Variants in FRMPD2 observed in about 807,000 individuals in gnomAD.
FRMPD2 encodes FERM and PDZ domain-containing protein 2.
FRMPD2 carries 96 observed loss-of-function variants against 140.1 expected under a neutral mutation model. That is an observed-to-expected ratio of 0.69 (90% CI 0.58 to 0.81). The LOEUF (loss-of-function observed/expected upper bound fraction) is 0.81, where lower values mean the gene tolerates loss of function less well. Among genes scored for constraint, FRMPD2 ranks in the 40% least tolerant of loss-of-function variants. The probability of loss-of-function intolerance (pLI) is 0.00; values close to 1 mark genes in which losing one functional copy is unlikely to be tolerated. For synonymous variants in FRMPD2, 449 were observed against 547.6 expected (o/e 0.82, Z 2.52); for missense variants, 1,240 against 1,447.4 (o/e 0.86, Z 2.32).
rs570548638 is a variant in FRMPD2 at position 48,196,318 on chromosome 10, T to A, written c.1955-3424A>T. Among the ~76,000 whole-genome samples, 3 of 152,072 alleles carry A rather than the reference T, an allele frequency of 2.0e-5. No individual in the cohort carries two copies. In the South Asian group the frequency reaches 6.2e-4, roughly 32 times the overall value. Reference sequence around the variant, plus strand: ...CAGACAACAGAGAGCCATTAACAAGTTTTCAGCATGGAAGAAAATGACAGG... The same window carrying A: ...CAGACAACAGAGAGCCATTAACAAGATTTCAGCATGGAAGAAAATGACAGG... On this transcript the variant is annotated intron_variant, in intron 15 of 28. Transcript: ENST00000374201.
intron 1 of FRMPD2, among the ~76,000 whole-genome samples, chr10:48,260,895 GT>G (rs990524687): frequency 0.31 from 206 of 660 alleles, no homozygotes; most frequent in South Asian, 0.5. Context: ...AATGGAAAAG[GT>G]GGGGCAAGAT....
chr10:48,255,838 AG>A (rs1840478777), intron 1 of FRMPD2, among the ~76,000 whole-genome samples: 1 of 152,226 alleles, frequency 6.6e-6, no homozygotes, highest in African/African-American at 2.4e-5. Flanking sequence ...AGAGTTTGGC[AG>A]ATTCCAAGAA....
Position 48,157,248 on chromosome 10 carries a change from C to T in FRMPD2, c.*74G>A. 1.4e-6 allele frequency: 1 copy of T among 693,332 alleles called. No homozygotes were observed. Among genetic ancestry groups the T allele is most frequent in the Non-Finnish European group, 2.7e-6 (1 of 373,446 alleles). 42.9% of individuals were successfully genotyped at this position (693,332 alleles called of 1,614,324 possible). A position where few individuals can be genotyped will look rare whatever the true frequency, so the allele number is the denominator to read the frequency against. On this transcript the variant is annotated 3_prime_UTR_variant, in exon 29 of 29. Transcript: ENST00000374201. ...GCTGCCCCAAGTTCGCCACACACGCCTCTTGATTAGAAAGAATAGTCCATG... is the reference window on the plus strand; with the variant it reads ...GCTGCCCCAAGTTCGCCACACACGCTTCTTGATTAGAAAGAATAGTCCATG...
intron 21 of FRMPD2, among the ~76,000 whole-genome samples, chr10:48,180,476 C>A (rs1407124283): frequency 6.6e-6 from 1 of 152,174 alleles, no homozygotes; most frequent in Non-Finnish European, 1.5e-5. Flanking sequence ...CCACGCCTTG[C>A]CATTGGCAGC....
In FRMPD2 at chr10:48,201,246, G is replaced by C. The variant is rs1482814528; in HGVS notation, c.1936C>G (p.Pro646Ala). ...GFNAQMGSGQ[P>A]SHVLFDHDKF... is the part of the protein sequence containing the mutation. ...TACTCACCAAATAAAACATGGGAAG[G>C]CTGCCCAGAGCCCATCTGTGCATTA... The change falls in exon 15 of 29, where the codon CCT (proline) becomes GCT (alanine). Residue 646 changes from proline (P) to alanine (A), a missense_variant. This residue lies in a region of FRMPD2 where 1,161 missense variants were observed against 1,055.9 expected (regional missense o/e 1.10). Coordinates refer to ENST00000374201, the MANE Select transcript of FRMPD2 (RefSeq NM_001018071.4). 1 of 1,606,760 alleles carries C rather than the reference G, an allele frequency of 6.2e-7. No homozygotes were observed. The highest frequency in any genetic ancestry group is 2.2e-5 in the East Asian group (1 of 44,658).
At chr10:48,272,940 G>A (rs1726703743) in intron 1 of FRMPD2, among the ~76,000 whole-genome samples, 1 of 152,088 alleles carries the variant, frequency 6.6e-6, no homozygotes, top group African/African-American at 2.4e-5. Context: ...TACATTCAGT[G>A]GTCAATTGCA....
intron 7 of FRMPD2, among the ~76,000 whole-genome samples, chr10:48,239,365 T>G (rs1354080643): frequency 6.6e-6 from 1 of 152,230 alleles, no homozygotes; most frequent in Non-Finnish European, 1.5e-5. Context: ...CCACTCGGCC[T>G]GAGTATGGTT....
In FRMPD2 at chr10:48,253,449, G is replaced by T. The variant is rs111541590; in HGVS notation, c.26-1758C>A. ...TCATCAAAAACCATGGAGACCAAAA[G>T]GCAGTTGGATGACGTATGGTCTTAA... On this transcript the variant is annotated intron_variant, in intron 1 of 28. Coordinates refer to ENST00000374201, the MANE Select transcript of FRMPD2 (RefSeq NM_001018071.4). 2.2e-3 allele frequency among the ~76,000 whole-genome samples: 332 copies of T among 152,172 alleles called. 3 individuals carry two copies. Among genetic ancestry groups the T allele is most frequent in the African/African-American group, 7.8e-3 (322 of 41,504 alleles).
At chr10:48,170,725 G>A (rs566265846) in intron 26 of FRMPD2, among the ~76,000 whole-genome samples, 39 of 151,614 alleles carry the variant, frequency 2.6e-4, no homozygotes, top group Admixed American at 1.1e-3. Context: ...GTGAAGAGAC[G>A]TCAGCCAGCA....
At chr10:48,229,662 T>C (rs561760899) in intron 10 of FRMPD2, among the ~76,000 whole-genome samples, 1 of 152,260 alleles carries the variant, frequency 6.6e-6, no homozygotes, top group East Asian at 1.9e-4. Context: ...TTCCGATATG[T>C]CTTAGTATAA....
chr10:48,256,564 C>T (rs1361993598), intron 1 of FRMPD2, among the ~76,000 whole-genome samples: 1 of 152,138 alleles, frequency 6.6e-6, no homozygotes, highest in East Asian at 1.9e-4. Context: ...GATTGACAAC[C>T]CTCTGGAATG....
intron 17 of FRMPD2, among the ~76,000 whole-genome samples, chr10:48,186,868 G>A (rs899331693): frequency 2.0e-5 from 3 of 152,082 alleles, no homozygotes; most frequent in African/African-American, 4.8e-5. Context: ...ATACTGGGAG[G>A]TGATGTTCTG....
chr10:48,232,239 C>G lies in FRMPD2; in HGVS notation c.1044G>C (p.Leu348=). The part of the protein sequence containing the change: ...YLALRDLCVV[L]LNGQHLEVKC... Reference sequence around the variant, plus strand: ...TTACCTCCAGGTGCTGCCCGTTCAGCAGGACCACACAGAGGTCCCTGAGAG... The same window carrying G: ...TTACCTCCAGGTGCTGCCCGTTCAGGAGGACCACACAGAGGTCCCTGAGAG... The change falls in exon 10 of 29, where the codon CTG becomes CTC. Residue 348 remains leucine, a synonymous_variant. Transcript: ENST00000374201. 1 of 1,614,156 alleles carries G rather than the reference C, an allele frequency of 6.2e-7. No homozygotes were observed. Among genetic ancestry groups the G allele is most frequent in the Non-Finnish European group, 8.5e-7 (1 of 1,179,998 alleles).
rs753175673 is a variant in FRMPD2 at position 48,206,892 on chromosome 10, T to C, written c.1653A>G (p.Gln551=). The C allele has an allele frequency of 2.5e-6, 4 of 1,614,068 alleles. No individual in the cohort carries two copies. In the South Asian group the frequency reaches 3.3e-5, roughly 13 times the overall value. ...QLPEYGVLVH[Q]VFSEKRRPEE... The stretch of plus-strand genomic sequence containing the variant: ...CTGGCCTCCTCTTCTCTGAGAATAC[T>C]TGGTGAACCAGCACACCGTATTCTG... The change falls in exon 14 of 29, where the codon CAA becomes CAG. Residue 551 remains glutamine (Q), a synonymous_variant. Coordinates refer to ENST00000374201, the MANE Select transcript of FRMPD2 (RefSeq NM_001018071.4).
At chr10:48,218,617 ACT>A (rs1839508850) in intron 12 of FRMPD2, among the ~76,000 whole-genome samples, 1 of 152,038 alleles carries the variant, frequency 6.6e-6, no homozygotes, top group African/African-American at 2.4e-5. Context: ...TGGGCACATG[ACT>A]CTATCAGCAC....
intron 13 of FRMPD2, among the ~76,000 whole-genome samples, chr10:48,211,688 AAAAT>A (rs1839326607): frequency 6.6e-6 from 1 of 152,094 alleles, no homozygotes. Context: ...CCATCTCAAA[AAAAT>A]AAATAAATAA....
At chr10:48,221,373 G>A (rs1390552416) in intron 12 of FRMPD2, among the ~76,000 whole-genome samples, 1 of 152,182 alleles carries the variant, frequency 6.6e-6, no homozygotes, top group Non-Finnish European at 1.5e-5. Context: ...ACTCATAAGT[G>A]CGAGCTAAGC....
intron 3 of FRMPD2, 139 bp from the exon 4 acceptor site, chr10:48,244,988 C>A: frequency 1.5e-6 from 1 of 648,154 alleles, no homozygotes; most frequent in Non-Finnish European, 2.7e-6. Context: ...CTCCCTTAAC[C>A]CTTGTTACCT....
At chr10:48,219,422 C>A (rs1249285899) in intron 12 of FRMPD2, among the ~76,000 whole-genome samples, 15 of 152,004 alleles carry the variant, frequency 9.9e-5, no homozygotes, top group Non-Finnish European at 4.4e-5. Flanking sequence ...GGAGACTTCC[C>A]CTCCCTTGCT....
Sources: allele counts gnomAD v4.1 joint callset (sites outside exome capture counted in the v4.1 genomes callset), GRCh38; gene constraint gnomAD v4.1.1; regional missense constraint gnomAD v4.1.1; transcripts MANE v1.5; gene names NCBI Gene and HGNC (gene_info 2026-07-23, HGNC 2026-07-21).